The following GRB10 variants were observed in gnomAD, a reference collection of about 807,000 sequenced individuals.
GRB10 encodes growth factor receptor-bound protein 10.
GRB10 carries 20 observed loss-of-function variants against 80.9 expected under a neutral mutation model. That is an observed-to-expected ratio of 0.25 (90% CI 0.17 to 0.36). The LOEUF is 0.36. Among genes scored for constraint, GRB10 ranks in the 10% least tolerant of loss-of-function variants. The pLI, the probability that GRB10 is intolerant of heterozygous loss-of-function variation, is 1.00. For missense variants in GRB10, 548 were observed against 747.7 expected (o/e 0.73, Z 3.12); for synonymous variants, 291 against 291.5 (o/e 1.00, Z 0.02).
chr7:50,660,065 G>A (rs570363861), intron 7 of GRB10, among the ~76,000 whole-genome samples: 22 of 152,276 alleles, frequency 1.4e-4, no homozygotes, highest in South Asian at 4.2e-4. Flanking sequence ...CACATGTCTC[G>A]TGGTCACTCC....
At chr7:50,781,231 C>G (rs978712938) in intron 1 of GRB10, 1 of 152,250 alleles carries the variant, frequency 6.6e-6, no homozygotes, top group Non-Finnish European at 1.5e-5. Flanking sequence ...CACACCCCAC[C>G]CTACAATTAA....
At chr7:50,719,969 A>G (rs1045125641) in intron 4 of GRB10, among the ~76,000 whole-genome samples, 1 of 151,300 alleles carries the variant, frequency 6.6e-6, no homozygotes. Flanking sequence ...TCTGCCCCCC[A>G]CTCCAGCTGC....
At chr7:50,696,273 T>G (rs904678806) in intron 5 of GRB10, among the ~76,000 whole-genome samples, 1 of 152,342 alleles carries the variant, frequency 6.6e-6, no homozygotes, top group Non-Finnish European at 1.5e-5. Flanking sequence ...CTTCCAGAAT[T>G]AGACCCACTT....
intron 5 of GRB10, among the ~76,000 whole-genome samples, chr7:50,703,037 AAG>A (rs1177012039): frequency 3.9e-5 from 6 of 152,222 alleles, no homozygotes; most frequent in African/African-American, 7.2e-5. Flanking sequence ...AGTTTTCTAA[AAG>A]ATGATCCCAA....
intron 5 of GRB10, among the ~76,000 whole-genome samples, chr7:50,694,886 C>T (rs1363065660): frequency 6.6e-6 from 1 of 152,204 alleles, no homozygotes; most frequent in Non-Finnish European, 1.5e-5. Context: ...ACATTTCTCA[C>T]CCCAAGAGGA....
At position 50,600,606 on chromosome 7, in the gene GRB10, GA is replaced by G. The variant is rs374279540; in HGVS notation, c.1544+3391del. 1.6e-3 allele frequency among the ~76,000 whole-genome samples: 236 copies of G among 152,222 alleles called. 3 individuals are homozygous for G. Among genetic ancestry groups the G allele is most frequent in the African/African-American group, 5.4e-3 (224 of 41,532 alleles). On this transcript the variant is annotated intron_variant, in intron 17 of 18. Transcript: ENST00000401949. ...CAGAGGGAAGGAAGGAGAGAGGGGG[GA>G]AAAGAATCCAAGTACAAGACAACAT...
At chr7:50,685,083 T>A (rs1486622540) in intron 5 of GRB10, among the ~76,000 whole-genome samples, 4 of 152,230 alleles carry the variant, frequency 2.6e-5, no homozygotes, top group Non-Finnish European at 5.9e-5. Context: ...ATCTTTACCA[T>A]CACATCCAAT....
intron 7 of GRB10, among the ~76,000 whole-genome samples, chr7:50,632,042 T>C (rs931104045): frequency 1.1e-4 from 16 of 152,222 alleles, no homozygotes; most frequent in Non-Finnish European, 2.2e-4. Context: ...GGGCAGACCC[T>C]GAAGCCTGGA....
At chr7:50,736,966 T>A (rs1321864797) in intron 3 of GRB10, among the ~76,000 whole-genome samples, 13 of 152,164 alleles carry the variant, frequency 8.5e-5, no homozygotes, top group Non-Finnish European at 7.3e-5. Flanking sequence ...AAAATCTTCA[T>A]GACATTAAAT....
chr7:50,791,290 T>C (rs571763918), intron 1 of GRB10, among the ~76,000 whole-genome samples: 1 of 152,274 alleles, frequency 6.6e-6, no homozygotes, highest in African/African-American at 2.4e-5. Context: ...AAAGGAAATA[T>C]CTAGAATGCT....
At chr7:50,747,254 C>A (rs76075853) in intron 3 of GRB10, among the ~76,000 whole-genome samples, 1 of 152,182 alleles carries the variant, frequency 6.6e-6, no homozygotes, top group Non-Finnish European at 1.5e-5. Context: ...AGCCCAGGCG[C>A]GGTAGCTGAA....
At chr7:50,740,344 G>T (rs1227476200) in intron 3 of GRB10, among the ~76,000 whole-genome samples, 1 of 152,166 alleles carries the variant, frequency 6.6e-6, no homozygotes, top group Non-Finnish European at 1.5e-5. Context: ...TCTTGTTCAA[G>T]AACTCAGTCT....
intron 17 of GRB10, among the ~76,000 whole-genome samples, chr7:50,602,832 T>C (rs2047845840): frequency 6.6e-6 from 1 of 152,214 alleles, no homozygotes; most frequent in African/African-American, 2.4e-5. Context: ...GTCCTTATTT[T>C]TTTAGAGACA....
At chr7:50,625,650 T>C (rs902937613) in intron 8 of GRB10, among the ~76,000 whole-genome samples, 2 of 152,216 alleles carry the variant, frequency 1.3e-5, no homozygotes, top group African/African-American at 4.8e-5. Context: ...TTAGTGACAA[T>C]GGAGGAGAAG....
chr7:50,765,811 A>G (rs2076285948), intron 2 of GRB10, among the ~76,000 whole-genome samples: 1 of 152,242 alleles, frequency 6.6e-6, no homozygotes, highest in African/African-American at 2.4e-5. Context: ...GTACACTTCA[A>G]AATAGCAAGA....
intron 4 of GRB10, among the ~76,000 whole-genome samples, chr7:50,715,243 G>A (rs2066666821): frequency 6.6e-6 from 1 of 151,666 alleles, no homozygotes; most frequent in Non-Finnish European, 1.5e-5. Flanking sequence ...AGCAGGGAAG[G>A]GCATGGAGCA....
At chr7:50,596,596 T>C (rs986300748) in intron 17 of GRB10, among the ~76,000 whole-genome samples, 11 of 152,378 alleles carry the variant, frequency 7.2e-5, no homozygotes, top group African/African-American at 2.6e-4. Flanking sequence ...GCGTCGTCAA[T>C]GTTAACTTCC....
chr7:50,677,699 TCTTAA>T (rs1277775321), intron 5 of GRB10, among the ~76,000 whole-genome samples: 2 of 152,172 alleles, frequency 1.3e-5, no homozygotes, highest in Non-Finnish European at 2.9e-5. Flanking sequence ...CGAGCGCCAC[TCTTAA>T]CTTACCGTAT....
At chr7:50,611,876 A>G (rs1348772997) in intron 13 of GRB10, among the ~76,000 whole-genome samples, 1 of 152,184 alleles carries the variant, frequency 6.6e-6, no homozygotes, top group African/African-American at 2.4e-5. Flanking sequence ...CTAAACGAAC[A>G]TCTCCTATGG....
Sources: gnomAD v4.1 joint callset for allele counts (sites outside exome capture counted in the v4.1 genomes callset) on GRCh38, gnomAD v4.1.1 for gene constraint, MANE v1.5 for transcripts, NCBI Gene and HGNC (gene_info 2026-07-23, HGNC 2026-07-21) for gene names.